ANKRD13B: variants seen among roughly 807,000 people sequenced by gnomAD.
ANKRD13B encodes the protein ankyrin repeat domain 13B.
In ANKRD13B, 33 loss-of-function variants were observed where a neutral mutation model predicts 74.4. The observed-to-expected ratio is 0.44, with a 90% CI of 0.34 to 0.59. The LOEUF (loss-of-function observed/expected upper bound fraction) is 0.59. ANKRD13B is among the 20% of genes least tolerant of loss of function. The pLI is 0.02. For missense variants in ANKRD13B, 676 were observed against 877.9 expected, an observed-to-expected ratio of 0.77 and a Z score of 2.91; for synonymous variants, 341 against 362.9, an observed-to-expected ratio of 0.94 and a Z score of 0.68.
rs778201161 is a variant in ANKRD13B, at chr17:29,612,034, T to TG, written c.1100+34dup. ...GAGGCCCCTGCCGGTGCTGGGAAGG[T>TG]GGGGGGCCGGGGCTCCAGGAGATGC... On this transcript the variant is annotated intron_variant, in intron 10 of 14. Transcript: ENST00000394859. The surrounding 1 kb of genome is among the most constrained non-coding windows in gnomAD (Gnocchi z 6.1). The TG allele has an allele frequency of 5.0e-6, 8 of 1,605,598 alleles. No individual in the cohort carries two copies. Among genetic ancestry groups the TG allele is most frequent in the African/African-American group, 4.1e-5 (3 of 73,670 alleles).
chr17:29,613,225 C>A, intron 14 of ANKRD13B, 129 bp from the exon 15 acceptor site: 1 of 1,383,182 alleles, frequency 7.2e-7, no homozygotes, highest in Non-Finnish European at 9.5e-7. Flanking sequence ...GGCCAGGACG[C>A]CGCGGGACTG....
At chr17:29,602,686 C>T (rs190535245) in intron 1 of ANKRD13B, among the ~76,000 whole-genome samples, 1 of 152,250 alleles carries the variant, frequency 6.6e-6, no homozygotes, top group Non-Finnish European at 1.5e-5. Flanking sequence ...AGATCCTTAA[C>T]TTAATTATGT....
chr17:29,607,581 G>A (rs1249118821), intron 1 of ANKRD13B, among the ~76,000 whole-genome samples, 161 bp from the exon 2 acceptor site: 5 of 152,146 alleles, frequency 3.3e-5, no homozygotes, highest in African/African-American at 4.8e-5. Flanking sequence ...CTGTCTTTCC[G>A]TTGCCCATAG....
Position 29,609,210 on chromosome 17 carries a change from G to A in ANKRD13B, c.690G>A (p.Val230=), listed in dbSNP as rs1006969797. The A allele has an allele frequency of 6.2e-7, 1 of 1,612,940 alleles. No individual in the cohort carries two copies. The highest frequency in any genetic ancestry group is 1.3e-5 in the African/African-American group (1 of 75,066). The change falls in exon 6 of 15, where the codon GTG becomes GTA. Residue 230 remains valine, a synonymous_variant. Transcript: ENST00000394859. The surrounding 1 kb of genome is among the most constrained non-coding windows in gnomAD (Gnocchi z 4.0). The part of the protein sequence containing the change: ...LAAAQPTEEQ[V]LSRLTAPVVT... Reference sequence around the variant, plus strand: ...CTGCTCAGCCCACTGAGGAACAGGTGCTGAGCCGGCTTACCGCGCCCGTCG... The same window carrying A: ...CTGCTCAGCCCACTGAGGAACAGGTACTGAGCCGGCTTACCGCGCCCGTCG...
In ANKRD13B at chr17:29,593,734, A is replaced by G; in HGVS notation, c.113A>G (p.Gln38Arg). ...CTGGAGAAGGAGGTCCGCGCGGGCC[A>G]GGTAGGAGCGCCTTCGGGGCGCCGC... ...RELEKEVRAG[Q>R]VDIEQLDPRG... The change falls in exon 1 of 15, where the codon CAG becomes CGG. Residue 38 changes from glutamine to arginine, a missense_variant and splice_region_variant. Physicochemically the swap from Gln to Arg is conservative, Grantham distance 43. This residue lies in a region of ANKRD13B where 88 missense variants were observed against 87.8 expected (regional missense o/e 1.00). Transcript: ENST00000394859. 7.1e-7 allele frequency: 1 copy of G among 1,404,686 alleles called. No homozygotes were observed. The highest frequency in any genetic ancestry group is 9.4e-7 in the Non-Finnish European group (1 of 1,068,806). The allele number at this position is 1,404,686 out of a possible 1,614,324, so 87.0% of individuals were successfully genotyped here.
chr17:29,600,594 G>T (rs1412233857), intron 1 of ANKRD13B, among the ~76,000 whole-genome samples: 1 of 152,186 alleles, frequency 6.6e-6, no homozygotes, highest in Admixed American at 6.5e-5. Flanking sequence ...AGGAAGGGGG[G>T]CATCTCCCAG....
intron 1 of ANKRD13B, among the ~76,000 whole-genome samples, chr17:29,607,463 C>G (rs1407196106): frequency 2.0e-5 from 3 of 152,176 alleles, no homozygotes; most frequent in Non-Finnish European, 2.9e-5. Flanking sequence ...GCCAGGGGCC[C>G]TTGGTGGACA....
intron 1 of ANKRD13B, among the ~76,000 whole-genome samples, chr17:29,594,884 C>G (rs3098946): frequency 2.6e-5 from 4 of 152,150 alleles, no homozygotes; most frequent in Admixed American, 2.0e-4. Flanking sequence ...GGCAGGCCAT[C>G]GGACTGAGCA....
chr17:29,593,857 C>A (rs960973720), intron 1 of ANKRD13B, 122 bp downstream of exon 1: 49 of 397,426 alleles, frequency 1.2e-4, no homozygotes, highest in Non-Finnish European at 1.8e-4. Context: ...TCTTTGTTTG[C>A]GGCCGCGGCT....
At chr17:29,593,883 C>G in intron 1 of ANKRD13B, 148 bp downstream of exon 1, 2 of 160,862 alleles carry the variant, frequency 1.2e-5, no homozygotes, top group Non-Finnish European at 2.1e-5. Flanking sequence ...GCTTGTTGAC[C>G]GGGAAAGGGT....
chr17:29,594,298 G>A (rs1171118190), intron 1 of ANKRD13B, among the ~76,000 whole-genome samples: 3 of 152,204 alleles, frequency 2.0e-5, no homozygotes, highest in African/African-American at 4.8e-5. Context: ...CTCTTGGGAG[G>A]CCCCAAGGGC....
Position 29,612,695 on chromosome 17 carries a change from C to A in ANKRD13B, c.1455C>A (p.Ala485=). 1 of 1,594,008 alleles carries A rather than the reference C, an allele frequency of 6.3e-7. No individual in the cohort carries two copies. The highest frequency in any genetic ancestry group is 8.5e-7 in the Non-Finnish European group (1 of 1,175,842). The change falls in exon 13 of 15, where the codon GCC becomes GCA. Residue 485 remains alanine (A), a synonymous_variant. Coordinates refer to ENST00000394859, the MANE Select transcript of ANKRD13B (RefSeq NM_152345.5). The surrounding 1 kb of genome is among the most constrained non-coding windows in gnomAD (Gnocchi z 6.1). The part of the protein sequence containing the change: ...GCEISPALFE[A]PRGYSMMGGQ... ...AGATCTCCCCAGCGTTGTTCGAGGCCCCGCGCGGCTACAGCATGATGGGCG... is the reference window on the plus strand; with the variant it reads ...AGATCTCCCCAGCGTTGTTCGAGGCACCGCGCGGCTACAGCATGATGGGCG...
Position 29,612,885 on chromosome 17 carries a change from A to G in ANKRD13B, c.1576-2A>G. The stretch of plus-strand genomic sequence containing the variant: ...ACGGCTAACGCCCACGCCTCCCCGC[A>G]GGTCACCATCTGGGAGGCGCTAACC... On this transcript the variant is annotated splice_acceptor_variant, in intron 13 of 14. Transcript: ENST00000394859. LOFTEE classifies it high-confidence loss of function. The surrounding 1 kb of genome is among the most constrained non-coding windows in gnomAD (Gnocchi z 6.1). The G allele has an allele frequency of 1.3e-6, 2 of 1,599,028 alleles. No homozygotes were observed. Among genetic ancestry groups the G allele is most frequent in the Non-Finnish European group, 1.7e-6 (2 of 1,179,496 alleles).
At chr17:29,606,660 A>G (rs1032464374) in intron 1 of ANKRD13B, among the ~76,000 whole-genome samples, 1 of 144,966 alleles carries the variant, frequency 6.9e-6, no homozygotes, top group Admixed American at 6.9e-5. Context: ...GGAGGCTGAA[A>G]CAGGAGGATT....
rs780417079 is a variant in ANKRD13B, at chr17:29,610,660, G to A, written c.823-25G>A. The stretch of plus-strand genomic sequence containing the variant: ...ACAGGGTAAGACCAGAACTGCTTAT[G>A]AGCCCTTTCTTCATCTGTCCCCAGG... On this transcript the variant is annotated intron_variant, in intron 7 of 14. Coordinates refer to ENST00000394859, the MANE Select transcript of ANKRD13B (RefSeq NM_152345.5). 9 of 1,611,626 alleles carry A rather than the reference G, an allele frequency of 5.6e-6. No individual in the cohort carries two copies. The East Asian group carries it at 2.0e-4, about 36-fold the overall frequency.
rs1188207609 is a variant in ANKRD13B at position 29,607,833 on chromosome 17, C to T, written c.206C>T (p.Ala69Val). 1.1e-5 allele frequency: 17 copies of T among 1,605,022 alleles called. No homozygotes were observed. Among genetic ancestry groups the T allele is most frequent in the Non-Finnish European group, 1.4e-5 (17 of 1,179,442 alleles). ...GHLECARVLLAHGADVGRENR... is the reference protein window; with the variant it reads ...GHLECARVLLVHGADVGRENR... ...CTTGAGTGTGCCCGTGTGCTCCTGG[C>T]GCACGGCGCAGACGTGGGCAGGGAG... is the stretch of plus-strand genomic sequence containing the variant. Residue 69 changes from alanine to valine, a missense_variant, in exon 2 of 15, where the codon GCG (alanine) becomes GTG (valine). Transcript: ENST00000394859.
chr17:29,602,853 A>G (rs1174060048), intron 1 of ANKRD13B, among the ~76,000 whole-genome samples: 1 of 151,894 alleles, frequency 6.6e-6, no homozygotes, highest in African/African-American at 2.4e-5. Context: ...TTCTTTTATT[A>G]TTTATTTACT....
intron 1 of ANKRD13B, among the ~76,000 whole-genome samples, chr17:29,597,282 G>A (rs946180227): frequency 6.6e-6 from 1 of 152,242 alleles, no homozygotes; most frequent in East Asian, 1.9e-4. Flanking sequence ...GGGTGTTCCT[G>A]TGCAAATACG....
At chr17:29,603,128 C>T (rs2034242003) in intron 1 of ANKRD13B, among the ~76,000 whole-genome samples, 1 of 151,768 alleles carries the variant, frequency 6.6e-6, no homozygotes, top group Non-Finnish European at 1.5e-5. Flanking sequence ...GGATTACAGG[C>T]GTGAGCCACC....
Sources: gnomAD v4.1 joint callset for allele counts (sites outside exome capture counted in the v4.1 genomes callset) on GRCh38, gnomAD v4.1.1 for gene constraint, gnomAD v4.1.1 regional missense constraint, Gnocchi (gnomAD v3.1) non-coding constraint, MANE v1.5 for transcripts, NCBI Gene and HGNC (gene_info 2026-07-23, HGNC 2026-07-21) for gene names.